Variants in ARHGAP15 observed in about 807,000 individuals in gnomAD.
ARHGAP15 encodes the protein Rho GTPase activating protein 15, also known as rho GTPase-activating protein 15.
A neutral mutation model predicts 63.7 loss-of-function variants in ARHGAP15; 51 were observed. The observed-to-expected ratio is 0.80, with a 90% confidence interval of 0.64 to 1.01. The LOEUF is 1.01. Ranked by LOEUF, ARHGAP15 falls within the 50% of genes least tolerant of loss-of-function variation. The pLI is 0.00. For synonymous variants in ARHGAP15, 191 were observed against 193.8 expected (o/e 0.99, Z 0.12); for missense variants, 560 against 564.6 (o/e 0.99, Z 0.08).
chr2:143,194,124 A>G (rs1464332825), intron 2 of ARHGAP15, among the ~76,000 whole-genome samples: 1 of 152,214 alleles, frequency 6.6e-6, no homozygotes, highest in African/African-American at 2.4e-5. Context: ...AGGAATAGGT[A>G]GATAATTTTA....
chr2:143,654,644 T>C (rs917947298), intron 12 of ARHGAP15, among the ~76,000 whole-genome samples: 1 of 152,186 alleles, frequency 6.6e-6, no homozygotes, highest in African/African-American at 2.4e-5. Flanking sequence ...AATTAATAAA[T>C]TGAGACTCAA....
intron 6 of ARHGAP15, among the ~76,000 whole-genome samples, chr2:143,380,608 T>C (rs1687019044): frequency 6.6e-6 from 1 of 152,148 alleles, no homozygotes. Context: ...AGGCTGTTGA[T>C]GCCTAAAGCC....
intron 6 of ARHGAP15, among the ~76,000 whole-genome samples, chr2:143,405,714 C>T (rs1398012548): frequency 1.3e-5 from 2 of 151,814 alleles, no homozygotes; most frequent in Admixed American, 1.3e-4. Context: ...TTTTGGGTGC[C>T]TTTGTGTGTG....
At chr2:143,682,642 A>G (rs1683155768) in intron 12 of ARHGAP15, 1 of 152,200 alleles carries the variant, frequency 6.6e-6, no homozygotes, top group Non-Finnish European at 1.5e-5. Context: ...GCTCCAGGAT[A>G]TCTTCCAAGT....
At chr2:143,185,324 A>T (rs921427620) in intron 2 of ARHGAP15, among the ~76,000 whole-genome samples, 1 of 152,056 alleles carries the variant, frequency 6.6e-6, no homozygotes, top group Non-Finnish European at 1.5e-5. Context: ...TGTCCCATTG[A>T]TTTAAACTAT....
chr2:143,207,173 C>T (rs182749172), intron 3 of ARHGAP15, among the ~76,000 whole-genome samples: 5 of 151,986 alleles, frequency 3.3e-5, no homozygotes, highest in African/African-American at 1.2e-4. Flanking sequence ...CCTGCCTACT[C>T]TTAAGGCTAT....
intron 13 of ARHGAP15, among the ~76,000 whole-genome samples, chr2:143,704,211 A>AGTGG (rs1378785589): frequency 2.0e-5 from 3 of 152,178 alleles, no homozygotes; most frequent in African/African-American, 7.2e-5. Context: ...TCTATTCTAA[A>AGTGG]TTCAAGGAAG....
chr2:143,305,820 A>T (rs1282530754), intron 6 of ARHGAP15, among the ~76,000 whole-genome samples: 1 of 152,098 alleles, frequency 6.6e-6, no homozygotes, highest in Non-Finnish European at 1.5e-5. Context: ...CTTCTATACA[A>T]ATGGAATTTT....
intron 13 of ARHGAP15, among the ~76,000 whole-genome samples, chr2:143,760,306 C>T (rs1686717350): frequency 1.3e-5 from 2 of 152,050 alleles, no homozygotes; most frequent in Non-Finnish European, 2.9e-5. Flanking sequence ...ATATTTGAAG[C>T]ACAGTGATTA....
intron 4 of ARHGAP15, 41 bp downstream of exon 4, chr2:143,216,486 G>T (rs773925847): frequency 7.0e-7 from 1 of 1,420,456 alleles, no homozygotes; most frequent in Non-Finnish European, 9.9e-7. Flanking sequence ...AACTATGCTG[G>T]TTCTTCATAT....
intron 9 of ARHGAP15, among the ~76,000 whole-genome samples, chr2:143,488,102 A>G (rs190847559): frequency 1.3e-5 from 2 of 152,220 alleles, no homozygotes; most frequent in Non-Finnish European, 1.5e-5. Context: ...GCCACCAATC[A>G]TGGTCTCTGG....
chr2:143,652,691 T>A (rs1681231407), intron 12 of ARHGAP15, among the ~76,000 whole-genome samples: 1 of 152,130 alleles, frequency 6.6e-6, no homozygotes, highest in Admixed American at 6.5e-5. Context: ...TATTGTAAAT[T>A]GTATCCTTAT....
chr2:143,511,816 C>T (rs760135099), intron 9 of ARHGAP15, among the ~76,000 whole-genome samples: 18 of 152,262 alleles, frequency 1.2e-4, no homozygotes, highest in East Asian at 7.7e-4. Context: ...ATTAGATTTA[C>T]AAATGGAGAG....
intron 13 of ARHGAP15, among the ~76,000 whole-genome samples, chr2:143,712,518 G>C (rs10164854): frequency 2.0e-5 from 3 of 152,124 alleles, no homozygotes; most frequent in African/African-American, 7.2e-5. Flanking sequence ...CCAAGGGACC[G>C]TGTGAACCCA....
At chr2:143,168,058 T>C (rs1690619974) in intron 2 of ARHGAP15, among the ~76,000 whole-genome samples, 1 of 152,248 alleles carries the variant, frequency 6.6e-6, no homozygotes, top group Non-Finnish European at 1.5e-5. Context: ...AACTTAGAAG[T>C]GTAGTCTTTA....
At chr2:143,468,639 AG>A (rs370596005) in intron 8 of ARHGAP15, among the ~76,000 whole-genome samples, 30,937 of 65,734 alleles carry the variant, frequency 0.47, 3,545 homozygotes, top group Admixed American at 0.56. Flanking sequence ...TTTGTGAGAG[AG>A]AGAGAGAGAG....
At chr2:143,762,307 C>T (rs989526786) in intron 13 of ARHGAP15, among the ~76,000 whole-genome samples, 6 of 152,202 alleles carry the variant, frequency 3.9e-5, no homozygotes, top group Admixed American at 3.3e-4. Flanking sequence ...TTACCTTTCT[C>T]ATTCAGATTA....
At chr2:143,650,353 C>G (rs1335754870) in intron 12 of ARHGAP15, among the ~76,000 whole-genome samples, 1 of 151,860 alleles carries the variant, frequency 6.6e-6, no homozygotes, top group Non-Finnish European at 1.5e-5. Context: ...CTAATGAGTT[C>G]CACCACATCA....
At chr2:143,213,314 G>A (rs1232845917) in intron 3 of ARHGAP15, among the ~76,000 whole-genome samples, 2 of 152,186 alleles carry the variant, frequency 1.3e-5, no homozygotes, top group Non-Finnish European at 2.9e-5. Context: ...GAGAGTTCAA[G>A]ACCAGCCTGA....
Sources: gnomAD v4.1 joint callset for allele counts (sites outside exome capture counted in the v4.1 genomes callset) on GRCh38, gnomAD v4.1.1 for gene constraint, MANE v1.5 for transcripts, NCBI Gene and HGNC (gene_info 2026-07-23, HGNC 2026-07-21) for gene names.